Variants in NPAS3 observed in about 807,000 individuals in gnomAD.
NPAS3 encodes neuronal PAS domain protein 3, also known as neuronal PAS domain-containing protein 3.
Under a neutral mutation model 73.1 loss-of-function variants are expected in NPAS3, and 14 were observed. The ratio of observed to expected loss-of-function variants is 0.19; its 90% CI spans 0.13 to 0.30. The LOEUF is 0.30. NPAS3 is among the 10% of genes least tolerant of loss of function. The pLI is 1.00. For synonymous variants in NPAS3, 620 were observed against 541.5 expected (o/e 1.14, Z -2.01); for missense variants, 1,096 against 1,250.0 (o/e 0.88, Z 1.86).
intron 2 of NPAS3, among the ~76,000 whole-genome samples, chr14:33,111,193 A>G (rs774949331): frequency 6.6e-6 from 1 of 152,208 alleles, no homozygotes; most frequent in Non-Finnish European, 1.5e-5. Context: ...GAAAGCCTGA[A>G]GGGAGCAAGG....
At chr14:32,962,252 A>C (rs17099763) in intron 1 of NPAS3, among the ~76,000 whole-genome samples, 1 of 152,176 alleles carries the variant, frequency 6.6e-6, no homozygotes, top group Non-Finnish European at 1.5e-5. Context: ...TATTGGTTTA[A>C]ATTGAAAAAC....
intron 1 of NPAS3, among the ~76,000 whole-genome samples, chr14:33,000,285 T>C (rs1264877116): frequency 6.6e-6 from 1 of 152,214 alleles, no homozygotes; most frequent in Non-Finnish European, 1.5e-5. Context: ...TTAATGACTA[T>C]TGCCAAAATG....
chr14:33,141,603 CTCATA>C (rs2044046134), intron 2 of NPAS3, among the ~76,000 whole-genome samples: 1 of 152,072 alleles, frequency 6.6e-6, no homozygotes, highest in Admixed American at 6.6e-5. Context: ...GCTAGCGTGT[CTCATA>C]TCATTAAATA....
At chr14:32,958,659 G>A (rs1002879779) in intron 1 of NPAS3, among the ~76,000 whole-genome samples, 6 of 152,078 alleles carry the variant, frequency 3.9e-5, no homozygotes, top group South Asian at 2.1e-4. Flanking sequence ...CTCTAAACCC[G>A]TATATACAGC....
intron 1 of NPAS3, among the ~76,000 whole-genome samples, chr14:32,978,112 T>TGG (rs66733846): frequency 2.5e-3 from 366 of 144,964 alleles, no homozygotes; most frequent in African/African-American, 8.5e-3. Context: ...AGTGAAGATG[T>TGG]GGGGGGGTGA....
chr14:33,694,456 C>T (rs1224806511), intron 6 of NPAS3, among the ~76,000 whole-genome samples: 3 of 152,104 alleles, frequency 2.0e-5, no homozygotes, highest in Non-Finnish European at 4.4e-5. Flanking sequence ...ATAACATTTC[C>T]TCTCCTGGTG....
chr14:33,060,168 AAT>A (rs796700624), intron 2 of NPAS3, among the ~76,000 whole-genome samples: 14 of 152,342 alleles, frequency 9.2e-5, no homozygotes, highest in African/African-American at 3.4e-4. Context: ...TATTAAGAAG[AAT>A]ATGAGATAGT....
rs563469326 is a variant in NPAS3 at position 33,421,877 on chromosome 14, A to G, written c.468+54609A>G. On this transcript the variant is annotated intron_variant, in intron 4 of 11. Coordinates refer to ENST00000356141, the Ensembl canonical transcript of NPAS3. ...GAAAGATGATTAGATTGAAAGATTG[A>G]AAGTGGACACTATGGATAGGAAGTA... Among the ~76,000 whole-genome samples, 3 of 152,104 alleles carry G rather than the reference A, an allele frequency of 2.0e-5. 1 individual carries two copies. The highest frequency in any genetic ancestry group is 4.1e-4 in the South Asian group (2 of 4,822).
In NPAS3 at chr14:33,748,743, A is replaced by G. The variant is rs190748718; in HGVS notation, c.852+13411A>G. Among the ~76,000 whole-genome samples the G allele has an allele frequency of 6.0e-3, 920 of 152,268 alleles. 10 individuals carry two copies. Among genetic ancestry groups the G allele is most frequent in the African/African-American group, 0.021 (857 of 41,554 alleles). On this transcript the variant is annotated intron_variant, in intron 7 of 11. Transcript: ENST00000356141. Reference sequence around the variant, plus strand: ...CAATTGACTTTGATGTTCATTCGTCATTGATGGTTGGCTGACAGTACCTAC... The same window carrying G: ...CAATTGACTTTGATGTTCATTCGTCGTTGATGGTTGGCTGACAGTACCTAC...
At chr14:33,429,045 A>G (rs528277958) in intron 4 of NPAS3, among the ~76,000 whole-genome samples, 1 of 152,246 alleles carries the variant, frequency 6.6e-6, no homozygotes, top group Admixed American at 6.5e-5. Context: ...TGTTTGAGCT[A>G]AGGAGATTTA....
chr14:33,081,981 G>T (rs2138727746), intron 2 of NPAS3, among the ~76,000 whole-genome samples: 1 of 152,258 alleles, frequency 6.6e-6, no homozygotes, highest in Middle Eastern at 3.4e-3. Context: ...TCTCTTTAAA[G>T]ATTTATTAAA....
chr14:33,747,847 G>A (rs560290005), intron 7 of NPAS3, among the ~76,000 whole-genome samples: 1 of 152,162 alleles, frequency 6.6e-6, no homozygotes, highest in Non-Finnish European at 1.5e-5. Context: ...ATTCCCATGG[G>A]TCACACCTGC....
At chr14:33,474,319 G>C (rs2050920334) in intron 4 of NPAS3, among the ~76,000 whole-genome samples, 1 of 152,120 alleles carries the variant, frequency 6.6e-6, no homozygotes, top group South Asian at 2.1e-4. Flanking sequence ...AATATTACAT[G>C]ATCATTATAA....
At chr14:33,379,444 T>G (rs891478459) in intron 4 of NPAS3, among the ~76,000 whole-genome samples, 1 of 152,210 alleles carries the variant, frequency 6.6e-6, no homozygotes, top group Non-Finnish European at 1.5e-5. Flanking sequence ...TGGTAATGTG[T>G]GTAAATATCT....
At chr14:33,684,249 TCTTA>T (rs2060024184) in intron 6 of NPAS3, among the ~76,000 whole-genome samples, 1 of 151,516 alleles carries the variant, frequency 6.6e-6, no homozygotes. Context: ...TAACATAGTC[TCTTA>T]CTTAGAACTA....
chr14:33,344,641 C>T (rs2044642965), intron 3 of NPAS3, among the ~76,000 whole-genome samples: 1 of 152,128 alleles, frequency 6.6e-6, no homozygotes, highest in Admixed American at 6.5e-5. Flanking sequence ...ATTACTTGTT[C>T]ATAAAATAAA....
At chr14:33,707,569 G>A (rs748694040) in intron 6 of NPAS3, among the ~76,000 whole-genome samples, 4 of 152,180 alleles carry the variant, frequency 2.6e-5, no homozygotes, top group South Asian at 4.1e-4. Flanking sequence ...AGTGATAGGC[G>A]AGAAATAAAA....
intron 7 of NPAS3, among the ~76,000 whole-genome samples, chr14:33,761,510 A>T (rs1229325215): frequency 1.9e-5 from 2 of 107,288 alleles, no homozygotes; most frequent in Non-Finnish European, 3.3e-5. Flanking sequence ...TCCCCAGAAG[A>T]AAAAAAAAAA....
At chr14:33,529,293 G>T (rs2053937254) in intron 4 of NPAS3, among the ~76,000 whole-genome samples, 2 of 151,932 alleles carry the variant, frequency 1.3e-5, no homozygotes, top group South Asian at 2.1e-4. Context: ...ATCTTCCCTA[G>T]GAAGAAAACT....
Sources: allele counts gnomAD v4.1 joint callset (sites outside exome capture counted in the v4.1 genomes callset), GRCh38; gene constraint gnomAD v4.1.1; transcripts MANE v1.5; gene names NCBI Gene and HGNC (gene_info 2026-07-23, HGNC 2026-07-21).